FRAS1: variants seen among roughly 807,000 people sequenced by gnomAD.
FRAS1 encodes extracellular matrix organizing protein FRAS1.
FRAS1 carries 290 observed loss-of-function variants against 435.2 expected under a neutral mutation model. That is an observed-to-expected ratio of 0.67 (90% confidence interval 0.61 to 0.73). The LOEUF (loss-of-function observed/expected upper bound fraction) is 0.73, where lower values mean the gene tolerates loss of function less well. Ranked by LOEUF, FRAS1 falls within the 30% of genes least tolerant of loss-of-function variation. The pLI is 0.00. For synonymous variants in FRAS1, 1,800 were observed against 1,851.0 expected (o/e 0.97, Z 0.71); for missense variants, 4,860 against 5,001.5 (o/e 0.97, Z 0.85).
chr4:78,529,261 C>A (rs1248336849), intron 70 of FRAS1, among the ~76,000 whole-genome samples: 1 of 152,002 alleles, frequency 6.6e-6, no homozygotes, highest in Non-Finnish European at 1.5e-5. Context: ...TAGTTGGCTG[C>A]AGTAAGGAAG....
At position 78,176,434 on chromosome 4, in the gene FRAS1, G is replaced by A. The variant is rs151004183; in HGVS notation, c.109-61076G>A. ...ATGTTATAAAGAGTTTCCTTACACT[G>A]GGCAGAAATCAACTCACTGTTCCTT... is the stretch of plus-strand genomic sequence containing the variant. On this transcript the variant is annotated intron_variant, in intron 2 of 73. Transcript: ENST00000512123. 5.3e-5 allele frequency among the ~76,000 whole-genome samples: 8 copies of A among 152,192 alleles called. No individual in the cohort carries two copies. The East Asian group carries it at 1.5e-3, about 29-fold the overall frequency.
intron 2 of FRAS1, among the ~76,000 whole-genome samples, chr4:78,087,008 C>T (rs62307981): frequency 4.6e-5 from 7 of 152,116 alleles, no homozygotes; most frequent in Non-Finnish European, 1.0e-4. Flanking sequence ...TGATGAACAT[C>T]GAAGCAAAAA....
Position 78,534,509 on chromosome 4 carries a change from T to A in FRAS1, c.10986T>A (p.Leu3662=). The change falls in exon 71 of 74, where the codon CTT becomes CTA. Residue 3662 remains leucine (L), a synonymous_variant. Coordinates refer to ENST00000512123, the MANE Select transcript of FRAS1 (RefSeq NM_025074.7). ...TNRPVPVVYS[L]NTEFQLCNNE... is the part of the protein sequence containing the mutation. ...GCCCTGTGCCAGTTGTGTATTCACT[T>A]AACACTGAATTTCAGCTCTGCAATA... is the stretch of plus-strand genomic sequence containing the variant. 6.2e-7 allele frequency: 1 copy of A among 1,613,616 alleles called. No homozygotes were observed. The highest frequency in any genetic ancestry group is 1.1e-5 in the South Asian group (1 of 91,056).
chr4:78,380,071 C>A, intron 27 of FRAS1, 75 bp downstream of exon 27: 3 of 1,508,260 alleles, frequency 2.0e-6, no homozygotes, highest in East Asian at 2.3e-5. Flanking sequence ...CCTGTCCCAG[C>A]CTCTCTGTCT....
chr4:78,278,958 A>G (rs1023318553), intron 10 of FRAS1, among the ~76,000 whole-genome samples: 2 of 152,188 alleles, frequency 1.3e-5, no homozygotes, highest in African/African-American at 4.8e-5. Context: ...ATAGGGACAC[A>G]GAAAACACAC....
chr4:78,212,968 G>A (rs898833394), intron 2 of FRAS1, among the ~76,000 whole-genome samples: 2 of 152,164 alleles, frequency 1.3e-5, no homozygotes, highest in African/African-American at 4.8e-5. Flanking sequence ...GAGTTGGGAC[G>A]GTGATTCCTA....
Position 78,422,006 on chromosome 4 carries a change from G to GCTCTCCTCT in FRAS1, c.4678+9_4678+17dup, listed in dbSNP as rs755131694. On this transcript the variant is annotated splice_region_variant and intron_variant, in intron 34 of 73. Transcript: ENST00000512123. Reference sequence around the variant, plus strand: ...CATGGCCTTCTCGTTCGCTGGTAATGCTCTCCTCTCTGCTTTGAGGCACCC... The same window carrying GCTCTCCTCT: ...CATGGCCTTCTCGTTCGCTGGTAATGCTCTCCTCTCTCTCCTCTCTGCTTTGAGGCACCC... The GCTCTCCTCT allele has an allele frequency of 4.1e-5, 66 of 1,607,194 alleles. No individual in the cohort carries two copies. In the East Asian group the frequency reaches 8.9e-4, roughly 22 times the overall value.
At chr4:78,224,866 G>A (rs1724202638) in intron 2 of FRAS1, among the ~76,000 whole-genome samples, 2 of 152,076 alleles carry the variant, frequency 1.3e-5, no homozygotes, top group East Asian at 1.9e-4. Flanking sequence ...TTTAAAATGT[G>A]GCTTGGGAGA....
intron 2 of FRAS1, among the ~76,000 whole-genome samples, chr4:78,138,515 A>G (rs1210005880): frequency 1.3e-5 from 2 of 152,192 alleles, no homozygotes; most frequent in African/African-American, 4.8e-5. Flanking sequence ...TTAACTATAT[A>G]TTATTGCTGC....
chr4:78,327,573 G>A (rs961858939), intron 18 of FRAS1, among the ~76,000 whole-genome samples: 1 of 152,144 alleles, frequency 6.6e-6, no homozygotes, highest in Non-Finnish European at 1.5e-5. Flanking sequence ...AGTCATCTAA[G>A]GACACTTTTT....
intron 47 of FRAS1, among the ~76,000 whole-genome samples, chr4:78,455,559 C>T (rs1719166057): frequency 6.6e-6 from 1 of 152,200 alleles, no homozygotes; most frequent in African/African-American, 2.4e-5. Context: ...AGACACCCTC[C>T]TGATTGTTAA....
At chr4:78,061,809 A>T (rs1455418854) in intron 1 of FRAS1, among the ~76,000 whole-genome samples, 3 of 152,200 alleles carry the variant, frequency 2.0e-5, no homozygotes, top group Admixed American at 1.3e-4. Flanking sequence ...AAGCCAAAAA[A>T]ACCTCCTGCG....
At chr4:78,499,644 A>G (rs1720616241) in intron 60 of FRAS1, 77 bp from the exon 61 acceptor site, 1 of 1,321,070 alleles carries the variant, frequency 7.6e-7, no homozygotes, top group Non-Finnish European at 1.1e-6. Flanking sequence ...TCTTGTCATT[A>G]TAAGGTGTTT....
intron 19 of FRAS1, among the ~76,000 whole-genome samples, chr4:78,336,600 T>TGCTATCCTTCTG (rs1416270093): frequency 6.6e-6 from 1 of 152,024 alleles, no homozygotes; most frequent in Non-Finnish European, 1.5e-5. Flanking sequence ...GGGGTGAGAG[T>TGCTATCCTTCTG]GCTATCCTTC....
intron 2 of FRAS1, chr4:78,182,098 G>A: frequency 7.2e-7 from 1 of 1,381,430 alleles, no homozygotes; most frequent in Non-Finnish European, 9.7e-7. Flanking sequence ...GCCGCGCCGA[G>A]CCAAGAGCGC....
chr4:78,214,938 G>A (rs1723691535), intron 2 of FRAS1, among the ~76,000 whole-genome samples: 1 of 152,144 alleles, frequency 6.6e-6, no homozygotes, highest in South Asian at 2.1e-4. Flanking sequence ...CATAGTCTGT[G>A]TTCCTGCAGA....
intron 53 of FRAS1, among the ~76,000 whole-genome samples, chr4:78,474,423 G>C (rs1560748118): frequency 6.6e-6 from 1 of 151,934 alleles, no homozygotes; most frequent in African/African-American, 2.4e-5. Flanking sequence ...GGAACTTGGG[G>C]GAAAAAAGGA....
intron 2 of FRAS1, among the ~76,000 whole-genome samples, chr4:78,088,815 T>G (rs1356900179): frequency 1.3e-5 from 2 of 152,160 alleles, no homozygotes; most frequent in African/African-American, 4.8e-5. Flanking sequence ...ATAGGGACAC[T>G]TTTACACTGT....
At chr4:78,432,003 G>A (rs1451388534) in intron 37 of FRAS1, among the ~76,000 whole-genome samples, 5 of 152,044 alleles carry the variant, frequency 3.3e-5, no homozygotes, top group African/African-American at 1.2e-4. Context: ...CTGTCATAAA[G>A]AATAGAGGCT....
Sources: allele counts gnomAD v4.1 joint callset (sites outside exome capture counted in the v4.1 genomes callset), GRCh38; gene constraint gnomAD v4.1.1; transcripts MANE v1.5; gene names NCBI Gene and HGNC (gene_info 2026-07-23, HGNC 2026-07-21).